The following FBXL7 variants were observed in gnomAD, a reference collection of about 807,000 sequenced individuals.
FBXL7 encodes the protein F-box/LRR-repeat protein 7.
A neutral mutation model predicts 38.3 loss-of-function variants in FBXL7; 12 were observed. The observed-to-expected ratio is 0.31, with a 90% CI of 0.20 to 0.51. FBXL7 has a LOEUF of 0.51. Ranked by LOEUF, FBXL7 falls within the 20% of genes least tolerant of loss-of-function variation. The pLI, the probability that FBXL7 is intolerant of heterozygous loss-of-function variation, is 0.98. For missense variants in FBXL7, 567 were observed against 676.4 expected, an observed-to-expected ratio of 0.84 and a Z score of 1.79; for synonymous variants, 297 against 300.9, an observed-to-expected ratio of 0.99 and a Z score of 0.13.
intron 2 of FBXL7, among the ~76,000 whole-genome samples, chr5:15,637,709 A>G (rs1741230702): frequency 6.6e-6 from 1 of 152,262 alleles, no homozygotes; most frequent in Non-Finnish European, 1.5e-5. Flanking sequence ...TTAGAAAAGA[A>G]GGACTGGAAC....
At chr5:15,616,910 C>T (rs1272144116) in intron 2 of FBXL7, among the ~76,000 whole-genome samples, 1 of 152,190 alleles carries the variant, frequency 6.6e-6, no homozygotes, top group Non-Finnish European at 1.5e-5. Flanking sequence ...AGCTAATTTT[C>T]ATGACATTGT....
intron 2 of FBXL7, among the ~76,000 whole-genome samples, chr5:15,659,925 C>T (rs1272537681): frequency 6.6e-6 from 1 of 152,104 alleles, no homozygotes; most frequent in Non-Finnish European, 1.5e-5. Context: ...AAACTATAAA[C>T]TTTATTTCAG....
chr5:15,600,556 T>A (rs769262543), intron 1 of FBXL7, among the ~76,000 whole-genome samples: 33 of 152,234 alleles, frequency 2.2e-4, no homozygotes, highest in Non-Finnish European at 3.5e-4. Flanking sequence ...ACCTTCTCAT[T>A]TCTTGATACA....
At chr5:15,934,416 T>G (rs1742123260) in intron 3 of FBXL7, among the ~76,000 whole-genome samples, 1 of 152,100 alleles carries the variant, frequency 6.6e-6, no homozygotes, top group Admixed American at 6.5e-5. Flanking sequence ...GTACGTGTTT[T>G]TATAGAGTAA....
At chr5:15,561,436 C>T (rs1384406175) in intron 1 of FBXL7, among the ~76,000 whole-genome samples, 2 of 152,106 alleles carry the variant, frequency 1.3e-5, no homozygotes, top group African/African-American at 2.4e-5. Context: ...TGTATAAATG[C>T]ATACCACATC....
At chr5:15,863,480 C>G (rs1307863013) in intron 2 of FBXL7, among the ~76,000 whole-genome samples, 1 of 152,166 alleles carries the variant, frequency 6.6e-6, no homozygotes, top group Non-Finnish European at 1.5e-5. Context: ...CATAAAATAT[C>G]TACATGGGAG....
intron 1 of FBXL7, among the ~76,000 whole-genome samples, chr5:15,524,167 G>A (rs931819755): frequency 1.3e-5 from 2 of 152,080 alleles, no homozygotes; most frequent in African/African-American, 2.4e-5. Context: ...AAGCATGTGC[G>A]TATAGTGGCT....
intron 2 of FBXL7, among the ~76,000 whole-genome samples, chr5:15,771,745 T>C (rs563542834): frequency 2.0e-5 from 3 of 151,062 alleles, no homozygotes; most frequent in Admixed American, 6.6e-5. Flanking sequence ...CTATCTGGAC[T>C]AATAGAAGGT....
intron 2 of FBXL7, among the ~76,000 whole-genome samples, chr5:15,860,089 A>G (rs1739412697): frequency 6.6e-6 from 1 of 152,216 alleles, no homozygotes; most frequent in African/African-American, 2.4e-5. Context: ...TTGAATATTT[A>G]TATCTAGAAC....
intron 2 of FBXL7, among the ~76,000 whole-genome samples, chr5:15,708,184 A>T (rs79826336): frequency 0.053 from 8,013 of 152,200 alleles, 229 homozygotes; most frequent in East Asian, 0.081. Context: ...CTTGATTTTT[A>T]TACAAAAAAC....
intron 2 of FBXL7, among the ~76,000 whole-genome samples, chr5:15,689,261 T>G (rs1433314088): frequency 7.7e-6 from 1 of 130,202 alleles, no homozygotes; most frequent in Non-Finnish European, 1.6e-5. Context: ...CATCAGTTTA[T>G]TTTCAGTTTT....
intron 1 of FBXL7, among the ~76,000 whole-genome samples, chr5:15,611,311 CTTT>C (rs61608325): frequency 1.2e-4 from 15 of 128,170 alleles, no homozygotes; most frequent in East Asian, 2.4e-4. Context: ...TGTTTTGCCA[CTTT>C]TTTTTTTTTT....
intron 1 of FBXL7, among the ~76,000 whole-genome samples, chr5:15,519,114 C>T (rs1344433823): frequency 3.9e-5 from 6 of 152,018 alleles, no homozygotes; most frequent in African/African-American, 7.2e-5. Context: ...GAGGCTGAGG[C>T]GGGCGGATCA....
chr5:15,766,080 A>ATC (rs1486198062), intron 2 of FBXL7, among the ~76,000 whole-genome samples: 2 of 62,014 alleles, frequency 3.2e-5, no homozygotes, highest in Admixed American at 1.7e-4. Flanking sequence ...ACCTAACAGC[A>ATC]TCATAGAATT....
rs563835713 is a variant in FBXL7 at position 15,896,954 on chromosome 5, C to T, written c.128-30936C>T. 7.2e-5 allele frequency among the ~76,000 whole-genome samples: 11 copies of T among 152,116 alleles called. No homozygotes were observed. The East Asian group carries it at 1.9e-3, about 27-fold the overall frequency. ...TTCGAGATCAGTTTGGCCAACATGG[C>T]AAAACCCCATCTCTACTAAAAATAT... is the stretch of plus-strand genomic sequence containing the variant. On this transcript the variant is annotated intron_variant, in intron 2 of 3. Transcript: ENST00000504595.
intron 2 of FBXL7, among the ~76,000 whole-genome samples, chr5:15,657,975 G>A (rs1741935624): frequency 6.6e-6 from 1 of 152,080 alleles, no homozygotes; most frequent in Non-Finnish European, 1.5e-5. Context: ...TCCACTTTAT[G>A]AGCCTCTGTG....
intron 1 of FBXL7, among the ~76,000 whole-genome samples, chr5:15,535,609 A>C (rs1186989317): frequency 6.6e-6 from 1 of 152,188 alleles, no homozygotes; most frequent in African/African-American, 2.4e-5. Context: ...GGTGGAGGAA[A>C]TTTCTAAGGA....
chr5:15,805,643 C>T (rs892015458), intron 2 of FBXL7, among the ~76,000 whole-genome samples: 2 of 152,046 alleles, frequency 1.3e-5, no homozygotes, highest in Admixed American at 6.6e-5. Flanking sequence ...GACCCAAAGG[C>T]CTTATTCAAC....
At chr5:15,640,384 T>C (rs570272224) in intron 2 of FBXL7, among the ~76,000 whole-genome samples, 20 of 152,266 alleles carry the variant, frequency 1.3e-4, no homozygotes, top group African/African-American at 4.8e-4. Flanking sequence ...TCTGCAACTC[T>C]TCTTCTCTTT....
Sources: allele counts gnomAD v4.1 joint callset (sites outside exome capture counted in the v4.1 genomes callset), GRCh38; gene constraint gnomAD v4.1.1; transcripts MANE v1.5; gene names NCBI Gene and HGNC (gene_info 2026-07-23, HGNC 2026-07-21).